The following CACNA2D3 variants were observed in gnomAD, a reference collection of about 807,000 sequenced individuals.
The protein encoded by CACNA2D3 is calcium voltage-gated channel auxiliary subunit alpha2delta 3.
A neutral mutation model predicts 160.6 loss-of-function variants in CACNA2D3; 60 were observed. The observed-to-expected ratio is 0.37, with a 90% CI of 0.30 to 0.46. CACNA2D3 has a LOEUF of 0.46. Ranked by LOEUF, CACNA2D3 falls within the 20% of genes least tolerant of loss-of-function variation. The pLI, the probability that CACNA2D3 is intolerant of heterozygous loss-of-function variation, is 1.00. For synonymous variants in CACNA2D3, 558 were observed against 492.9 expected (o/e 1.13, Z -1.75); for missense variants, 1,205 against 1,365.0 (o/e 0.88, Z 1.85).
chr3:54,461,186 G>T (rs918513187), intron 4 of CACNA2D3, among the ~76,000 whole-genome samples: 35 of 152,172 alleles, frequency 2.3e-4, no homozygotes, highest in African/African-American at 5.3e-4. Context: ...GGCAGTATTT[G>T]ATTGAGGATT....
chr3:54,978,299 C>A (rs1384391667), intron 29 of CACNA2D3, among the ~76,000 whole-genome samples: 1 of 152,120 alleles, frequency 6.6e-6, no homozygotes, highest in African/African-American at 2.4e-5. Context: ...TTTCCCCCGT[C>A]CCTTTTATAA....
At chr3:54,383,569 A>G (rs1368067779) in intron 3 of CACNA2D3, among the ~76,000 whole-genome samples, 1 of 152,202 alleles carries the variant, frequency 6.6e-6, no homozygotes, top group Non-Finnish European at 1.5e-5. Flanking sequence ...ATGGATGGAG[A>G]AGGAAATATG....
At chr3:54,982,057 G>A (rs1702519942) in intron 29 of CACNA2D3, among the ~76,000 whole-genome samples, 1 of 152,198 alleles carries the variant, frequency 6.6e-6, no homozygotes, top group African/African-American at 2.4e-5. Context: ...TTTTCTGGCA[G>A]TCCCATCAGC....
chr3:55,011,229 C>G (rs1703205126), intron 34 of CACNA2D3, among the ~76,000 whole-genome samples: 1 of 152,198 alleles, frequency 6.6e-6, no homozygotes, highest in South Asian at 2.1e-4. Flanking sequence ...AGGCTGACAG[C>G]CCAGTGGAGC....
chr3:54,363,003 T>C (rs541556451), intron 3 of CACNA2D3, among the ~76,000 whole-genome samples: 22 of 152,220 alleles, frequency 1.4e-4, no homozygotes, highest in Non-Finnish European at 3.2e-4. Flanking sequence ...GAGACCATCC[T>C]GGTCAACATG....
intron 5 of CACNA2D3, among the ~76,000 whole-genome samples, chr3:54,553,285 TC>T (rs1395394766): frequency 2.6e-5 from 4 of 152,236 alleles, no homozygotes; most frequent in African/African-American, 9.6e-5. Flanking sequence ...TAATCTATGA[TC>T]TACTTAGAAT....
intron 3 of CACNA2D3, chr3:54,367,731 C>T (rs894524107): frequency 6.0e-6 from 1 of 167,022 alleles, no homozygotes; most frequent in Non-Finnish European, 1.3e-5. Context: ...TAAACTGGGG[C>T]AGGACCTTGC....
At chr3:54,530,982 G>GT (rs1349948327) in intron 5 of CACNA2D3, among the ~76,000 whole-genome samples, 2 of 152,266 alleles carry the variant, frequency 1.3e-5, no homozygotes, top group African/African-American at 4.8e-5. Flanking sequence ...CCATGCTATA[G>GT]TTTTGAGGAG....
Position 54,885,280 on chromosome 3 carries a change from G to C in CACNA2D3, c.1913-1G>C. On this transcript the variant is annotated splice_acceptor_variant, in intron 21 of 37. Coordinates refer to ENST00000474759, the MANE Select transcript of CACNA2D3 (RefSeq NM_018398.3). LOFTEE classifies it high-confidence loss of function. ...ATGAACCCCTTCTCCTTGACCCCCA[G>C]GCCTGCATGACTTAGAACATCCCGA... 1 of 1,613,774 alleles carries C rather than the reference G, an allele frequency of 6.2e-7. No individual in the cohort carries two copies. The highest frequency in any genetic ancestry group is 8.5e-7 in the Non-Finnish European group (1 of 1,179,792).
At chr3:55,056,741 G>C (rs1261024760) in intron 35 of CACNA2D3, among the ~76,000 whole-genome samples, 1 of 152,148 alleles carries the variant, frequency 6.6e-6, no homozygotes, top group African/African-American at 2.4e-5. Context: ...CTTATATGTG[G>C]AATCTGAAAC....
chr3:55,051,832 A>G (rs1489866273), intron 35 of CACNA2D3, among the ~76,000 whole-genome samples: 2 of 152,160 alleles, frequency 1.3e-5, no homozygotes, highest in Non-Finnish European at 2.9e-5. Flanking sequence ...AGCCCGTCGG[A>G]AAAGCGCAGT....
At chr3:54,637,004 G>A (rs570083114) in intron 10 of CACNA2D3, among the ~76,000 whole-genome samples, 1 of 151,950 alleles carries the variant, frequency 6.6e-6, no homozygotes, top group East Asian at 1.9e-4. Context: ...GGTAGTAGAG[G>A]GAGGTATTGA....
chr3:54,391,309 G>A (rs1221218282), intron 4 of CACNA2D3, among the ~76,000 whole-genome samples: 1 of 151,958 alleles, frequency 6.6e-6, no homozygotes, highest in East Asian at 1.9e-4. Flanking sequence ...TGACCTTATG[G>A]CTTGGACATC....
intron 3 of CACNA2D3, among the ~76,000 whole-genome samples, chr3:54,334,937 C>T (rs1415032879): frequency 6.6e-6 from 1 of 152,170 alleles, no homozygotes; most frequent in East Asian, 1.9e-4. Flanking sequence ...TACTTAAACT[C>T]CCTAAGCTTT....
chr3:54,126,383 A>G (rs1263845796), intron 2 of CACNA2D3, among the ~76,000 whole-genome samples: 2 of 152,238 alleles, frequency 1.3e-5, no homozygotes, highest in African/African-American at 4.8e-5. Context: ...GACTTCATCA[A>G]TGTAAACACA....
At chr3:54,403,147 A>C (rs775473756) in intron 4 of CACNA2D3, among the ~76,000 whole-genome samples, 1 of 152,116 alleles carries the variant, frequency 6.6e-6, no homozygotes, top group Middle Eastern at 3.4e-3. Flanking sequence ...GATCACTTGA[A>C]GAGTTCGAGA....
chr3:54,999,115 A>C (rs951195795), intron 31 of CACNA2D3, among the ~76,000 whole-genome samples: 7 of 152,152 alleles, frequency 4.6e-5, no homozygotes, highest in African/African-American at 1.7e-4. Context: ...TTGTAAATTC[A>C]CTGCCTCTGC....
intron 10 of CACNA2D3, chr3:54,638,641 G>A (rs1699433493): frequency 6.6e-6 from 1 of 151,904 alleles, no homozygotes; most frequent in African/African-American, 2.4e-5. Context: ...AGGGAAAGAA[G>A]GAAGATTTGG....
chr3:54,253,599 G>C (rs529480339), intron 2 of CACNA2D3, among the ~76,000 whole-genome samples: 1 of 152,098 alleles, frequency 6.6e-6, no homozygotes, highest in Non-Finnish European at 1.5e-5. Context: ...ACAATTGGAC[G>C]TGAGATTTGG....
Sources: gnomAD v4.1 joint callset for allele counts (sites outside exome capture counted in the v4.1 genomes callset) on GRCh38, gnomAD v4.1.1 for gene constraint, MANE v1.5 for transcripts, NCBI Gene and HGNC (gene_info 2026-07-23, HGNC 2026-07-21) for gene names.